Variants in MINPP1 observed in about 807,000 individuals in gnomAD.
The protein encoded by MINPP1 is multiple inositol-polyphosphate phosphatase 1.
A neutral mutation model predicts 46.1 loss-of-function variants in MINPP1; 28 were observed. That is an observed-to-expected ratio of 0.61 (90% confidence interval 0.45 to 0.83). MINPP1 has a LOEUF of 0.83. MINPP1 is among the 40% of genes least tolerant of loss of function. MINPP1 has a pLI of 0.00. For synonymous variants in MINPP1, 268 were observed against 249.1 expected, an observed-to-expected ratio of 1.08 and a Z score of -0.72; for missense variants, 603 against 610.0, an observed-to-expected ratio of 0.99 and a Z score of 0.12.
intron 4 of MINPP1, among the ~76,000 whole-genome samples, chr10:87,533,710 T>C (rs924934094): frequency 6.6e-6 from 1 of 152,218 alleles, no homozygotes; most frequent in African/African-American, 2.4e-5. Context: ...TAACCTTTTT[T>C]TTCTACCTTT....
At chr10:87,520,107 T>C (rs1384781420) in intron 3 of MINPP1, among the ~76,000 whole-genome samples, 1 of 140,170 alleles carries the variant, frequency 7.1e-6, no homozygotes, top group Non-Finnish European at 1.5e-5. Context: ...ATAGGGTATG[T>C]ATTATTTTTA....
At position 87,531,190 on chromosome 10, in the gene MINPP1, C is replaced by T. The variant is rs374291911; in HGVS notation, c.1067+10021C>T. 7.2e-5 allele frequency among the ~76,000 whole-genome samples: 11 copies of T among 152,284 alleles called. No homozygotes were observed. The East Asian group carries it at 1.2e-3, about 16-fold the overall frequency. Reference sequence around the variant, plus strand: ...CCCCGTCCTGCTTTGTCTCATGCTCCGTGGGCTACACCCACTGTCTGACAA... The same window carrying T: ...CCCCGTCCTGCTTTGTCTCATGCTCTGTGGGCTACACCCACTGTCTGACAA... On this transcript the variant is annotated intron_variant, in intron 4 of 4. Transcript: ENST00000371996.
At chr10:87,521,316 C>G (rs1243121571) in intron 4 of MINPP1, 147 bp downstream of exon 4, 1 of 622,802 alleles carries the variant, frequency 1.6e-6, no homozygotes, top group Admixed American at 2.8e-5. Context: ...AATTCGATAA[C>G]ATATATGTAA....
chr10:87,504,937 C>A lies in MINPP1; in HGVS notation c.22C>A (p.Leu8Ile). MLRAPGC[L>I]LRTSVAPAAA... ...GACGATGCTACGCGCGCCCGGCTGC[C>A]TCCTCCGGACCTCCGTAGCGCCTGC... Residue 8 changes from leucine to isoleucine, a missense_variant, in exon 1 of 5, where the codon CTC becomes ATC. Transcript: ENST00000371996. 1.2e-6 allele frequency: 2 copies of A among 1,611,376 alleles called. No homozygotes were observed. Among genetic ancestry groups the A allele is most frequent in the Non-Finnish European group, 1.7e-6 (2 of 1,179,342 alleles).
In MINPP1 at chr10:87,504,923, G is replaced by C. The variant is rs747991676; in HGVS notation, c.8G>C (p.Arg3Pro). 6 of 1,610,454 alleles carry C rather than the reference G, an allele frequency of 3.7e-6. No homozygotes were observed. The South Asian group carries it at 6.6e-5, about 18-fold the overall frequency. Residue 3 changes from arginine to proline, a missense_variant, in exon 1 of 5, where the codon CGC becomes CCC. Physicochemically the swap from Arg to Pro is moderately radical, Grantham distance 103. Transcript: ENST00000371996. ML[R>P]APGCLLRTSV... is the part of the protein sequence containing the mutation. ...CCACTGACCGTCCCGACGATGCTAC[G>C]CGCGCCCGGCTGCCTCCTCCGGACC... is the stretch of plus-strand genomic sequence containing the variant.
chr10:87,524,156 T>C (rs1427425152), intron 4 of MINPP1, among the ~76,000 whole-genome samples: 3 of 152,248 alleles, frequency 2.0e-5, no homozygotes, highest in Admixed American at 6.5e-5. Flanking sequence ...GAAAATCTGC[T>C]TAGTATAGTG....
At position 87,505,804 on chromosome 10, in the gene MINPP1, C is replaced by G. The variant is rs1171221812; in HGVS notation, c.637+252C>G. Among the ~76,000 whole-genome samples, 1 of 152,276 alleles carries G rather than the reference C, an allele frequency of 6.6e-6. No homozygotes were observed. The highest frequency in any genetic ancestry group is 1.9e-4 in the East Asian group (1 of 5,174). On this transcript the variant is annotated intron_variant, in intron 1 of 4. Coordinates refer to ENST00000371996, the MANE Select transcript of MINPP1 (RefSeq NM_004897.5). The surrounding 1 kb of genome is among the most constrained non-coding windows in gnomAD (Gnocchi z 4.4). ...TTCAGCACCTTGTACTCGCTGCCTG[C>G]TTTAGTAGAGTTGGGGATCCAACAG...
chr10:87,510,149 T>A (rs1307095605), intron 2 of MINPP1, among the ~76,000 whole-genome samples: 2 of 152,234 alleles, frequency 1.3e-5, no homozygotes, highest in Non-Finnish European at 2.9e-5. Context: ...TGGGAATTAT[T>A]CTTGTCTTAT....
intron 4 of MINPP1, among the ~76,000 whole-genome samples, chr10:87,545,954 C>T (rs1477284134): frequency 2.6e-5 from 4 of 152,170 alleles, no homozygotes; most frequent in Admixed American, 6.5e-5. Context: ...GTGATCATGT[C>T]GTGGGGCAAA....
Position 87,505,176 on chromosome 10 carries a change from T to C in MINPP1, c.261T>C (p.Ile87=). 1 of 1,609,402 alleles carries C rather than the reference T, an allele frequency of 6.2e-7. No individual in the cohort carries two copies. The highest frequency in any genetic ancestry group is 8.5e-7 in the Non-Finnish European group (1 of 1,178,052). Residue 87 remains isoleucine (I), a synonymous_variant, in exon 1 of 5, where the codon ATT becomes ATC. Transcript: ENST00000371996. This position sits in a 1 kb window ranked among gnomAD's most constrained non-coding sequence, Gnocchi z 4.4. ...TCTPVQLVAL[I]RHGTRYPTVK... is the part of the protein sequence containing the mutation. Reference sequence around the variant, plus strand: ...CCCCGGTGCAGCTGGTCGCCCTCATTCGCCACGGCACCCGCTACCCCACGG... The same window carrying C: ...CCCCGGTGCAGCTGGTCGCCCTCATCCGCCACGGCACCCGCTACCCCACGG...
At chr10:87,529,715 G>A (rs1372464027) in intron 4 of MINPP1, among the ~76,000 whole-genome samples, 3 of 152,120 alleles carry the variant, frequency 2.0e-5, no homozygotes, top group Non-Finnish European at 4.4e-5. Context: ...TATCTTTGTG[G>A]CGTTCTCTGT....
chr10:87,508,717 ATTC>A (rs1178711392), intron 2 of MINPP1, among the ~76,000 whole-genome samples, 184 bp downstream of exon 2: 5 of 152,304 alleles, frequency 3.3e-5, no homozygotes, highest in African/African-American at 7.2e-5. Flanking sequence ...TTAGATTCAT[ATTC>A]TTCTTTGAGT....
chr10:87,535,788 G>T (rs570585280), intron 4 of MINPP1, among the ~76,000 whole-genome samples: 4 of 152,036 alleles, frequency 2.6e-5, no homozygotes, highest in African/African-American at 9.7e-5. Context: ...AATTAGCCAG[G>T]CGTGGTGGCA....
Position 87,508,513 on chromosome 10 carries a change from C to T in MINPP1, c.815C>T (p.Pro272Leu), listed in dbSNP as rs141592439. ...AAAGTTGCAGCTACTTTGCAAGTGC[C>T]AGTAAATGATTTAAATGCAGGTAAT... ...LKKVAATLQV[P>L]VNDLNADLIQ... Residue 272 changes from proline (P) to leucine (L), a missense_variant, in exon 2 of 5, where the codon CCA becomes CTA. Transcript: ENST00000371996. 138 of 1,613,166 alleles carry T rather than the reference C, an allele frequency of 8.6e-5. No individual in the cohort carries two copies. The highest frequency in any genetic ancestry group is 1.1e-4 in the Non-Finnish European group (132 of 1,179,486).
intron 4 of MINPP1, among the ~76,000 whole-genome samples, chr10:87,548,515 G>A (rs1412468543): frequency 1.3e-5 from 2 of 152,128 alleles, no homozygotes; most frequent in East Asian, 1.9e-4. Context: ...ATCAGCTAGC[G>A]GCTTTTTCTT....
chr10:87,548,263 A>G (rs1851915755), intron 4 of MINPP1, among the ~76,000 whole-genome samples: 1 of 152,156 alleles, frequency 6.6e-6, no homozygotes, highest in African/African-American at 2.4e-5. Context: ...ACACATGCGA[A>G]TCTGAAAGAG....
At chr10:87,534,764 G>T (rs890183880) in intron 4 of MINPP1, among the ~76,000 whole-genome samples, 1 of 152,136 alleles carries the variant, frequency 6.6e-6, no homozygotes, top group African/African-American at 2.4e-5. Flanking sequence ...AGTAGAATAG[G>T]CTGTTTTGTG....
chr10:87,548,736 C>G (rs1300632478), intron 4 of MINPP1, among the ~76,000 whole-genome samples: 1 of 151,912 alleles, frequency 6.6e-6, no homozygotes, highest in Non-Finnish European at 1.5e-5. Context: ...CTTGTTTTTG[C>G]TTTTAATGGC....
At chr10:87,512,969 C>A (rs75974494) in intron 2 of MINPP1, among the ~76,000 whole-genome samples, 155 bp from the exon 3 acceptor site, 6,405 of 152,272 alleles carry the variant, frequency 0.042, 192 homozygotes, top group Non-Finnish European at 0.064. Flanking sequence ...TCTCTTAATT[C>A]TTTGATAGCC....
Sources: allele counts gnomAD v4.1 joint callset (sites outside exome capture counted in the v4.1 genomes callset), GRCh38; gene constraint gnomAD v4.1.1; non-coding constraint Gnocchi (gnomAD v3.1); transcripts MANE v1.5; gene names NCBI Gene and HGNC (gene_info 2026-07-23, HGNC 2026-07-21).